The following LRRC37A2 variants were observed in gnomAD, a reference collection of about 807,000 sequenced individuals.
LRRC37A2 encodes the protein leucine-rich repeat-containing protein 37A2.
LRRC37A2 carries 9 observed loss-of-function variants against 68.8 expected under a neutral mutation model. The ratio of observed to expected loss-of-function variants is 0.13; its 90% CI spans 0.08 to 0.23. LRRC37A2 has a LOEUF of 0.23. Among genes scored for constraint, LRRC37A2 ranks in the 10% least tolerant of loss-of-function variants. The pLI is 1.00. For synonymous variants in LRRC37A2, 63 were observed against 367.6 expected (o/e 0.17, Z 9.48); for missense variants, 168 against 950.4 (o/e 0.18, Z 10.82).
the LRRC37A2 span, chr17:46,939,780 T>A: frequency 1.0e-6 from 1 of 987,626 alleles, no homozygotes; most frequent in South Asian, 4.7e-5. Context: ...ACCTTTTTCC[T>A]TCTGTGACCA....
chr17:46,858,978 CT>C, the LRRC37A2 span, among the ~76,000 whole-genome samples: 5,124 of 134,062 alleles, frequency 0.038, 173 homozygotes, highest in African/African-American at 0.11. Flanking sequence ...ATAATTTTAG[CT>C]TTTTTTTTTT....
the LRRC37A2 span, among the ~76,000 whole-genome samples, chr17:46,673,909 G>GAT: frequency 1.1e-4 from 1 of 9,290 alleles, no homozygotes; most frequent in East Asian, 1.8e-3. Flanking sequence ...TATTCCATGG[G>GAT]GGTGTGTGTG....
At chr17:47,002,761 G>T in the LRRC37A2 span, among the ~76,000 whole-genome samples, 1 of 151,608 alleles carries the variant, frequency 6.6e-6, no homozygotes, top group Non-Finnish European at 1.5e-5. Flanking sequence ...CTAACACTAG[G>T]TCTTATTCAT....
At chr17:46,694,342 G>A in the LRRC37A2 span, 9 of 589,398 alleles carry the variant, frequency 1.5e-5, 1 homozygote, top group African/African-American at 4.5e-5. Context: ...AGCTGAGATC[G>A]TACCACTGCA....
chr17:46,840,333 G>A, the LRRC37A2 span, among the ~76,000 whole-genome samples: 6 of 152,044 alleles, frequency 3.9e-5, no homozygotes, highest in East Asian at 1.9e-4. Flanking sequence ...TGATCCACCC[G>A]CCTCGGCCTC....
chr17:46,595,845 TCCG>T, the LRRC37A2 span, among the ~76,000 whole-genome samples: 1 of 141,610 alleles, frequency 7.1e-6, no homozygotes. Flanking sequence ...TCTCCCTTAC[TCCG>T]CCTTCCCAGT....
chr17:46,413,496 A>ACACACACACACACACACACACACACG, the LRRC37A2 span, among the ~76,000 whole-genome samples: 3 of 18,950 alleles, frequency 1.6e-4, no homozygotes, highest in African/African-American at 1.9e-4. Context: ...ACACACACAC[A>ACACACACACACACACACACACACACG]CACACACACA....
At chr17:47,037,832 T>G in the LRRC37A2 span, among the ~76,000 whole-genome samples, 4 of 152,152 alleles carry the variant, frequency 2.6e-5, no homozygotes, top group Non-Finnish European at 5.9e-5. Flanking sequence ...AGATTTTCTG[T>G]TTTTTTCTCA....
At chr17:47,036,408 T>C in the LRRC37A2 span, among the ~76,000 whole-genome samples, 1 of 152,114 alleles carries the variant, frequency 6.6e-6, no homozygotes, top group Non-Finnish European at 1.5e-5. Context: ...GAAAAAACTG[T>C]TGTCTAATTT....
the LRRC37A2 span, among the ~76,000 whole-genome samples, chr17:47,031,280 T>A: frequency 1.3e-5 from 2 of 148,260 alleles, no homozygotes. Context: ...AGGTTTTGCA[T>A]TGGGGAAAGG....
chr17:46,755,375 T>C, the LRRC37A2 span: 1 of 1,610,648 alleles, frequency 6.2e-7, no homozygotes, highest in East Asian at 2.2e-5. Context: ...GGAGCGTAAG[T>C]ACATACAACA....
chr17:46,742,790 A>G, the LRRC37A2 span, among the ~76,000 whole-genome samples: 2 of 152,174 alleles, frequency 1.3e-5, no homozygotes, highest in African/African-American at 4.8e-5. Context: ...ACCATCGGGG[A>G]GTTGACAGGC....
the LRRC37A2 span, among the ~76,000 whole-genome samples, chr17:46,919,980 C>A: frequency 1.3e-5 from 2 of 151,922 alleles, no homozygotes; most frequent in African/African-American, 4.8e-5. Flanking sequence ...AAAAAAATTC[C>A]TATGATCTCG....
At chr17:46,782,323 G>A in the LRRC37A2 span, among the ~76,000 whole-genome samples, 4 of 152,300 alleles carry the variant, frequency 2.6e-5, no homozygotes, top group Admixed American at 2.0e-4. Context: ...GAAGGAGTCA[G>A]AAATCACCTC....
the LRRC37A2 span, among the ~76,000 whole-genome samples, chr17:46,766,368 C>T: frequency 6.6e-6 from 1 of 151,504 alleles, no homozygotes. Flanking sequence ...AGATTGCGCA[C>T]TTCACTCCAG....
the LRRC37A2 span, among the ~76,000 whole-genome samples, chr17:46,754,565 C>T: frequency 3.2e-4 from 48 of 152,320 alleles, no homozygotes; most frequent in African/African-American, 1.1e-3. Flanking sequence ...TAGATAACTT[C>T]ATATCTCCTG....
At chr17:46,916,590 A>G in the LRRC37A2 span, among the ~76,000 whole-genome samples, 3 of 152,226 alleles carry the variant, frequency 2.0e-5, no homozygotes, top group Admixed American at 6.5e-5. Flanking sequence ...TCACTAAAGA[A>G]GCACAGGAAC....
the LRRC37A2 span, among the ~76,000 whole-genome samples, chr17:46,767,165 G>A: frequency 6.6e-6 from 1 of 152,064 alleles, no homozygotes; most frequent in Non-Finnish European, 1.5e-5. Flanking sequence ...ACCTATCCCG[G>A]GGTGCTGTGG....
the LRRC37A2 span, among the ~76,000 whole-genome samples, chr17:46,780,295 C>A: frequency 2.0e-5 from 3 of 152,112 alleles, no homozygotes; most frequent in Non-Finnish European, 4.4e-5. Flanking sequence ...CTGCCAGCAC[C>A]CACTCCCCTG....
Sources: gnomAD v4.1 joint callset for allele counts (sites outside exome capture counted in the v4.1 genomes callset) on GRCh38, gnomAD v4.1.1 for gene constraint, MANE v1.5 for transcripts, NCBI Gene and HGNC (gene_info 2026-07-23, HGNC 2026-07-21) for gene names.